The following ARPC3 variants were observed in gnomAD, a reference collection of about 807,000 sequenced individuals.
The protein encoded by ARPC3 is actin-related protein 2/3 complex subunit 3.
Under a neutral mutation model 27.6 loss-of-function variants are expected in ARPC3, and 12 were observed. That is an observed-to-expected ratio of 0.43 (90% confidence interval 0.28 to 0.70). The LOEUF is 0.70. ARPC3 is among the 30% of genes least tolerant of loss of function. The pLI is 0.17. For missense variants in ARPC3, 153 were observed against 207.7 expected, an observed-to-expected ratio of 0.74 and a Z score of 1.62; for synonymous variants, 53 against 67.2, an observed-to-expected ratio of 0.79 and a Z score of 1.03.
chr12:110,447,857 G>A (rs932064654), intron 1 of ARPC3, among the ~76,000 whole-genome samples: 7 of 149,520 alleles, frequency 4.7e-5, no homozygotes, highest in African/African-American at 1.7e-4. Context: ...CTCTATGTGC[G>A]ATTGGAACCA....
At chr12:110,441,270 T>A (rs913987502) in intron 2 of ARPC3, among the ~76,000 whole-genome samples, 1 of 151,876 alleles carries the variant, frequency 6.6e-6, no homozygotes, top group Non-Finnish European at 1.5e-5. Flanking sequence ...GTAGCTGGGA[T>A]TATACGCATG....
chr12:110,438,017 C>T (rs2135498737), intron 3 of ARPC3, among the ~76,000 whole-genome samples: 1 of 152,092 alleles, frequency 6.6e-6, no homozygotes, highest in South Asian at 2.1e-4. Context: ...AAATTTAGGC[C>T]AGGTGCAGTG....
intron 2 of ARPC3, among the ~76,000 whole-genome samples, chr12:110,442,413 G>C (rs894036574): frequency 6.6e-6 from 1 of 152,056 alleles, no homozygotes; most frequent in African/African-American, 2.4e-5. Context: ...TTCGAGACCA[G>C]CCTGGCCAAC....
At chr12:110,438,103 C>T (rs946372719) in intron 3 of ARPC3, among the ~76,000 whole-genome samples, 7 of 151,596 alleles carry the variant, frequency 4.6e-5, no homozygotes, top group Non-Finnish European at 1.0e-4. Context: ...TGAGACCAGC[C>T]TGGGCAACAT....
rs1300031765 is a variant in ARPC3, at chr12:110,436,022, T to C, written c.474+88A>G. On this transcript the variant is annotated intron_variant, in intron 6 of 6. Transcript: ENST00000228825. ...ATTGCAATGCAGAAATTAAAAATATTCTTGCAATGGAAGACCTTAGTGTGT... is the reference window on the plus strand; with the variant it reads ...ATTGCAATGCAGAAATTAAAAATATCCTTGCAATGGAAGACCTTAGTGTGT... The C allele has an allele frequency of 3.9e-6, 4 of 1,013,486 alleles. No homozygotes were observed. The African/African-American group carries it at 6.3e-5, about 16-fold the overall frequency. 62.8% of individuals were successfully genotyped at this position (1,013,486 alleles called of 1,614,324 possible).
rs147636812 is a variant in ARPC3, at chr12:110,435,059, T to C, written c.*96A>G. On this transcript the variant is annotated 3_prime_UTR_variant, in exon 7 of 7. Transcript: ENST00000228825. ...AGTAAAGACATGCTCTTCTCTCTTCTGTATAAAACTTTACGAAATAAAGGC... is the reference window on the plus strand; with the variant it reads ...AGTAAAGACATGCTCTTCTCTCTTCCGTATAAAACTTTACGAAATAAAGGC... 3 of 922,412 alleles carry C rather than the reference T, an allele frequency of 3.3e-6. No individual in the cohort carries two copies. The Middle Eastern group carries it at 8.8e-4, about 270-fold the overall frequency. 57.1% of individuals were successfully genotyped at this position (922,412 alleles called of 1,614,324 possible).
chr12:110,439,026 G>A (rs566896644), intron 3 of ARPC3, among the ~76,000 whole-genome samples: 11 of 151,490 alleles, frequency 7.3e-5, no homozygotes, highest in Admixed American at 5.9e-4. Context: ...TTGCTCTGTC[G>A]CCCAGGCTGG....
intron 2 of ARPC3, among the ~76,000 whole-genome samples, chr12:110,444,182 G>A (rs2062452552): frequency 6.6e-6 from 1 of 151,998 alleles, no homozygotes; most frequent in African/African-American, 2.4e-5. Flanking sequence ...TGTTGGTTAC[G>A]CTGGTCTTGA....
intron 6 of ARPC3, among the ~76,000 whole-genome samples, chr12:110,435,509 T>G (rs1341452136): frequency 3.3e-5 from 5 of 152,110 alleles, no homozygotes; most frequent in Non-Finnish European, 5.9e-5. Flanking sequence ...TTTTGTATTT[T>G]TTAGTAGAGA....
At chr12:110,445,866 G>A (rs1458277161) in intron 1 of ARPC3, among the ~76,000 whole-genome samples, 1 of 152,168 alleles carries the variant, frequency 6.6e-6, no homozygotes, top group Non-Finnish European at 1.5e-5. Context: ...CACTTTGGGA[G>A]GCTGAGGCAG....
intron 2 of ARPC3, among the ~76,000 whole-genome samples, chr12:110,444,585 T>G (rs2062454565): frequency 6.6e-6 from 1 of 152,168 alleles, no homozygotes; most frequent in Non-Finnish European, 1.5e-5. Context: ...GCACCCAGCC[T>G]TGTGATTTTC....
intron 1 of ARPC3, among the ~76,000 whole-genome samples, chr12:110,446,123 ATGT>A (rs886400648): frequency 6.6e-6 from 1 of 151,256 alleles, no homozygotes; most frequent in African/African-American, 2.4e-5. Flanking sequence ...AAAGTAAATA[ATGT>A]TAAAAACAAT....
Position 110,434,860 on chromosome 12 carries a change from G to GTT in ARPC3, c.*294_*295insAA, listed in dbSNP as rs2062393449. The GTT allele has an allele frequency of 1.8e-6, 1 of 559,618 alleles. No individual in the cohort carries two copies. Among genetic ancestry groups the GTT allele is most frequent in the Non-Finnish European group, 3.3e-6 (1 of 304,856 alleles). The allele number at this position is 559,618 out of a possible 1,614,324, so 34.7% of individuals were successfully genotyped here. A position where few individuals can be genotyped will look rare whatever the true frequency, so the allele number is the denominator to read the frequency against. On this transcript the variant is annotated 3_prime_UTR_variant, in exon 7 of 7. Coordinates refer to ENST00000228825, the MANE Select transcript of ARPC3 (RefSeq NM_001278556.2). ...TGTGAATTTTATCTCAAAACAAATTGTAAGTGAATGTCAAAGACTGGCAAT... is the reference window on the plus strand; with the variant it reads ...TGTGAATTTTATCTCAAAACAAATTGTTTAAGTGAATGTCAAAGACTGGCAAT...
intron 2 of ARPC3, chr12:110,442,988 T>A (rs2062446588): frequency 6.6e-6 from 1 of 152,204 alleles, no homozygotes; most frequent in African/African-American, 2.4e-5. Flanking sequence ...ACTGTTAACG[T>A]TCTCGCACAG....
chr12:110,449,668 G>A (rs2062488990), intron 1 of ARPC3, among the ~76,000 whole-genome samples: 1 of 152,118 alleles, frequency 6.6e-6, no homozygotes, highest in Non-Finnish European at 1.5e-5. Flanking sequence ...CCCACAAACT[G>A]GCTGTCAGAA....
rs1294913395 is a variant in ARPC3, at chr12:110,436,103, G to A, written c.474+7C>T. On this transcript the variant is annotated splice_region_variant and intron_variant, in intron 6 of 6. Coordinates refer to ENST00000228825, the MANE Select transcript of ARPC3 (RefSeq NM_001278556.2). The stretch of plus-strand genomic sequence containing the variant: ...TACCAATTAAGCAGGCAAGAAGAGG[G>A]TCTTACCTTGCTGGGTTTATCATTC... 2.5e-6 allele frequency: 4 copies of A among 1,605,038 alleles called. No individual in the cohort carries two copies. Among genetic ancestry groups the A allele is most frequent in the South Asian group, 2.2e-5 (2 of 90,900 alleles).
chr12:110,442,697 A>G (rs1054345874), intron 2 of ARPC3: 6 of 152,058 alleles, frequency 3.9e-5, no homozygotes, highest in Admixed American at 6.5e-5. Context: ...ATAGTTTCAG[A>G]AAAAAACTCA....
intron 1 of ARPC3, among the ~76,000 whole-genome samples, chr12:110,447,803 CA>C (rs780681742): frequency 6.6e-6 from 1 of 150,522 alleles, no homozygotes; most frequent in African/African-American, 2.4e-5. Flanking sequence ...CCCCTCCCCC[CA>C]AAAAAACAAA....
chr12:110,436,185 T>G lies in ARPC3; in HGVS notation c.399A>C (p.Leu133Phe). ...KQEDEVMRAY[L>F]QQLRQETGLR... ...GTCCAGTCTCTTGCCTTAGCTGTTG[T>G]AAATAGGCTCTCATCACTTCTAAAA... is the stretch of plus-strand genomic sequence containing the variant. The change falls in exon 6 of 7, where the codon TTA becomes TTC. Residue 133 changes from leucine (L) to phenylalanine (F), a missense_variant. Coordinates refer to ENST00000228825, the MANE Select transcript of ARPC3 (RefSeq NM_001278556.2). 1 of 1,613,596 alleles carries G rather than the reference T, an allele frequency of 6.2e-7. No homozygotes were observed. Among genetic ancestry groups the G allele is most frequent in the Non-Finnish European group, 8.5e-7 (1 of 1,179,556 alleles).
Sources: allele counts gnomAD v4.1 joint callset (sites outside exome capture counted in the v4.1 genomes callset), GRCh38; gene constraint gnomAD v4.1.1; transcripts MANE v1.5; gene names NCBI Gene and HGNC (gene_info 2026-07-23, HGNC 2026-07-21).